GRAMD2B: variants seen among roughly 807,000 people sequenced by gnomAD.
GRAMD2B encodes the protein GRAM domain-containing protein 2B.
Under a neutral mutation model 59.2 loss-of-function variants are expected in GRAMD2B, and 41 were observed. That is an observed-to-expected ratio of 0.69 (90% CI 0.54 to 0.90). The LOEUF (loss-of-function observed/expected upper bound fraction) is 0.90, where lower values mean the gene tolerates loss of function less well. GRAMD2B is among the 40% of genes least tolerant of loss of function. The pLI, the probability that GRAMD2B is intolerant of heterozygous loss-of-function variation, is 0.00. For missense variants in GRAMD2B, 424 were observed against 500.5 expected, an observed-to-expected ratio of 0.85 and a Z score of 1.46; for synonymous variants, 161 against 182.7, an observed-to-expected ratio of 0.88 and a Z score of 0.96.
chr5:126,452,950 A>G (rs1765627765), intron 1 of GRAMD2B, among the ~76,000 whole-genome samples: 1 of 152,170 alleles, frequency 6.6e-6, no homozygotes, highest in Admixed American at 6.5e-5. Flanking sequence ...TCTAGTTAAA[A>G]ACTAGTTCTT....
chr5:126,378,178 G>A (rs13188904), intron 1 of GRAMD2B, among the ~76,000 whole-genome samples: 140,616 of 152,220 alleles, frequency 0.92, 65,289 homozygotes, highest in East Asian at 1. Flanking sequence ...ACTGGGTTTG[G>A]ATTTGAAATA....
chr5:126,437,041 G>C (rs554089176), intron 1 of GRAMD2B, among the ~76,000 whole-genome samples: 1 of 152,350 alleles, frequency 6.6e-6, no homozygotes, highest in African/African-American at 2.4e-5. Flanking sequence ...AGGTCCCAGA[G>C]GACATGTTTT....
At chr5:126,424,416 T>A (rs1300237170) in intron 1 of GRAMD2B, among the ~76,000 whole-genome samples, 1 of 152,194 alleles carries the variant, frequency 6.6e-6, no homozygotes, top group Non-Finnish European at 1.5e-5. Flanking sequence ...CTAAAACTCT[T>A]GTTCTGGTAT....
chr5:126,452,838 T>A (rs868559936), intron 1 of GRAMD2B, among the ~76,000 whole-genome samples: 1 of 152,202 alleles, frequency 6.6e-6, no homozygotes, highest in Non-Finnish European at 1.5e-5. Flanking sequence ...ATGATAGACC[T>A]CACTAAGTAA....
In GRAMD2B at chr5:126,376,535, TCTC is replaced by T. The variant is rs1449712935; in HGVS notation, c.125+4971_125+4973del. ...TTGTCTTTTCTTAGCCAACCCCACT[TCTC>T]CTGCTGTTACAAAAAGGACAGGAGC... On this transcript the variant is annotated intron_variant, in intron 1 of 8. Coordinates refer to the GRAMD2B transcript ENST00000506445. Among the ~76,000 whole-genome samples, 7 of 152,110 alleles carry T rather than the reference TCTC, an allele frequency of 4.6e-5. No individual in the cohort carries two copies. The East Asian group carries it at 7.7e-4, about 17-fold the overall frequency.
intron 1 of GRAMD2B, among the ~76,000 whole-genome samples, chr5:126,383,493 C>T (rs1755835164): frequency 6.6e-6 from 1 of 152,146 alleles, no homozygotes; most frequent in South Asian, 2.1e-4. Flanking sequence ...TTGCACAGTG[C>T]CTTACTCATG....
At chr5:126,442,712 G>T (rs182801518) in intron 1 of GRAMD2B, among the ~76,000 whole-genome samples, 15 of 152,116 alleles carry the variant, frequency 9.9e-5, no homozygotes, top group African/African-American at 3.1e-4. Flanking sequence ...CTAGTTTAAG[G>T]TACCACGTAC....
At chr5:126,444,484 G>C (rs1763855226) in intron 1 of GRAMD2B, among the ~76,000 whole-genome samples, 1 of 152,200 alleles carries the variant, frequency 6.6e-6, no homozygotes, top group Non-Finnish European at 1.5e-5. Flanking sequence ...TAAGGGGACA[G>C]GTGCCCTTTG....
At chr5:126,467,366 T>C (rs574975205) in intron 2 of GRAMD2B, 1 of 152,274 alleles carries the variant, frequency 6.6e-6, no homozygotes, top group African/African-American at 2.4e-5. Flanking sequence ...TGCACTGGGC[T>C]TCTTGTCACC....
intron 1 of GRAMD2B, among the ~76,000 whole-genome samples, chr5:126,406,090 T>C (rs1758240031): frequency 6.6e-6 from 1 of 151,928 alleles, no homozygotes; most frequent in Non-Finnish European, 1.5e-5. Flanking sequence ...AAAGTAAATA[T>C]AGAGACAAAG....
chr5:126,384,381 A>G (rs944287372), intron 1 of GRAMD2B, among the ~76,000 whole-genome samples: 3 of 152,244 alleles, frequency 2.0e-5, no homozygotes, highest in Non-Finnish European at 2.9e-5. Flanking sequence ...ATCTAGAAAT[A>G]AACTGCACAT....
intron 1 of GRAMD2B, among the ~76,000 whole-genome samples, chr5:126,406,619 G>C (rs1758287914): frequency 6.6e-6 from 1 of 151,916 alleles, no homozygotes; most frequent in African/African-American, 2.4e-5. Flanking sequence ...ATTTGATTTT[G>C]TTATGTTTTC....
upstream of GRAMD2B, among the ~76,000 whole-genome samples, chr5:126,422,347 C>A (rs555649050): frequency 6.6e-6 from 1 of 152,080 alleles, no homozygotes; most frequent in Non-Finnish European, 1.5e-5. Flanking sequence ...CAAGCGCCTG[C>A]GCCACCTCAC....
intron 8 of GRAMD2B, among the ~76,000 whole-genome samples, chr5:126,481,205 AAGAAAGAAAGAAAGAAAGAAAG>A (rs1280198551): frequency 9.3e-4 from 2 of 2,150 alleles, no homozygotes; most frequent in Admixed American, 6.7e-3. Flanking sequence ...AAAAAAAAAA[AAGAAAGAAAGAAAGAAAGAAAG>A]AAAGAAAGAA....
chr5:126,486,730 A>G (rs1773006668), intron 11 of GRAMD2B, 143 bp from the exon 12 acceptor site: 1 of 602,600 alleles, frequency 1.7e-6, no homozygotes, highest in Non-Finnish European at 3.0e-6. Flanking sequence ...AGCCTGTTTA[A>G]AAAGGATGTT....
chr5:126,446,844 C>G (rs1304693246), intron 1 of GRAMD2B, among the ~76,000 whole-genome samples: 1 of 152,148 alleles, frequency 6.6e-6, no homozygotes, highest in Non-Finnish European at 1.5e-5. Flanking sequence ...AATACAGATT[C>G]TTCTCCTGGA....
At chr5:126,371,793 A>AT (rs1023800970) in intron 1 of GRAMD2B, among the ~76,000 whole-genome samples, 3 of 152,166 alleles carry the variant, frequency 2.0e-5, no homozygotes, top group African/African-American at 7.2e-5. Context: ...AGGAAAAATA[A>AT]TTTTTAGTGC....
At chr5:126,406,850 A>T (rs986977655) in intron 1 of GRAMD2B, among the ~76,000 whole-genome samples, 22 of 152,036 alleles carry the variant, frequency 1.4e-4, no homozygotes, top group African/African-American at 5.3e-4. Flanking sequence ...AGTAAGCCAG[A>T]TTGCTTTCAA....
chr5:126,481,202 AAAAAG>A (rs1388828844), intron 8 of GRAMD2B, among the ~76,000 whole-genome samples: 78 of 74,878 alleles, frequency 1.0e-3, no homozygotes, highest in African/African-American at 3.4e-3. Context: ...AAAAAAAAAA[AAAAAG>A]AAAGAAAGAA....
Sources: gnomAD v4.1 joint callset for allele counts (sites outside exome capture counted in the v4.1 genomes callset) on GRCh38, gnomAD v4.1.1 for gene constraint, MANE v1.5 for transcripts, NCBI Gene and HGNC (gene_info 2026-07-23, HGNC 2026-07-21) for gene names.